The following UNC13C variants were observed in gnomAD, a reference collection of about 807,000 sequenced individuals.
UNC13C encodes protein unc-13 homolog C.
UNC13C carries 174 observed loss-of-function variants against 245.4 expected under a neutral mutation model. That is an observed-to-expected ratio of 0.71 (90% confidence interval 0.63 to 0.80). The LOEUF (loss-of-function observed/expected upper bound fraction) is 0.80, where lower values mean the gene tolerates loss of function less well. UNC13C is among the 30% of genes least tolerant of loss of function. UNC13C has a pLI of 0.00. For missense variants in UNC13C, 2,829 were observed against 2,602.9 expected, an observed-to-expected ratio of 1.09 and a Z score of -1.89; for synonymous variants, 992 against 895.1, an observed-to-expected ratio of 1.11 and a Z score of -1.93.
chr15:53,850,084 T>C, the UNC13C span, among the ~76,000 whole-genome samples: 1 of 152,110 alleles, frequency 6.6e-6, no homozygotes, highest in East Asian at 1.9e-4. Context: ...TTAGTTCCTG[T>C]TTGCCTTCAT....
chr15:54,013,788 T>C lies in UNC13C; in HGVS notation c.885T>C (p.Phe295=). The change falls in exon 2 of 33, where the codon TTT becomes TTC. Residue 295 remains phenylalanine, a synonymous_variant. Transcript: ENST00000260323. ...QSEIEQLRTG[F]VQSRRETRDI... ...AAATTGAGCAGTTGCGCACAGGGTT[T>C]GTCCAGTCTCGGAGGGAAACTAGAG... 3.7e-6 allele frequency: 6 copies of C among 1,611,514 alleles called. No homozygotes were observed. The highest frequency in any genetic ancestry group is 4.2e-6 in the Non-Finnish European group (5 of 1,178,874).
rs752514014 is a variant in UNC13C, at chr15:54,373,812, G to T, written c.4714-19236G>T. Among the ~76,000 whole-genome samples the T allele has an allele frequency of 1.7e-4, 26 of 152,154 alleles. 1 individual carries two copies. Among genetic ancestry groups the T allele is most frequent in the Admixed American group, 1.1e-3 (17 of 15,272 alleles). On this transcript the variant is annotated intron_variant, in intron 17 of 32. Transcript: ENST00000260323. ...GCTCTTTTAGTCCTGCTATTCAGTGGGTCCCAAGTTCTTGTCTCACATCCA... is the reference window on the plus strand; with the variant it reads ...GCTCTTTTAGTCCTGCTATTCAGTGTGTCCCAAGTTCTTGTCTCACATCCA...
intron 19 of UNC13C, among the ~76,000 whole-genome samples, chr15:54,492,487 A>G (rs545174079): frequency 4.1e-4 from 63 of 152,272 alleles, no homozygotes; most frequent in African/African-American, 1.5e-3. Flanking sequence ...CTTCATGTAT[A>G]TTAACATAGA....
At chr15:54,624,545 A>G (rs1450391120) in intron 32 of UNC13C, among the ~76,000 whole-genome samples, 2 of 152,168 alleles carry the variant, frequency 1.3e-5, no homozygotes, top group Non-Finnish European at 2.9e-5. Flanking sequence ...TCTAAGTTCA[A>G]TAGGTGGTCC....
chr15:54,167,814 A>G (rs929435096), intron 4 of UNC13C, among the ~76,000 whole-genome samples: 6 of 152,126 alleles, frequency 3.9e-5, no homozygotes, highest in Non-Finnish European at 5.9e-5. Context: ...ATTATGGACC[A>G]AAGGTTTCAA....
chr15:54,303,269 C>T (rs2140950727), intron 13 of UNC13C, among the ~76,000 whole-genome samples: 1 of 152,164 alleles, frequency 6.6e-6, no homozygotes, highest in East Asian at 1.9e-4. Flanking sequence ...TTCAGAACAC[C>T]TAGTATAAAG....
chr15:54,122,725 A>C (rs2030757992), intron 2 of UNC13C, among the ~76,000 whole-genome samples: 1 of 152,096 alleles, frequency 6.6e-6, no homozygotes. Context: ...GGAATAATGC[A>C]GTGTGTACAA....
the UNC13C span, among the ~76,000 whole-genome samples, chr15:53,940,656 A>G: frequency 4.6e-5 from 7 of 152,272 alleles, no homozygotes; most frequent in African/African-American, 1.2e-4. Flanking sequence ...AATCAGTAGC[A>G]TTCCTATACA....
chr15:54,009,739 A>T (rs1285512596), intron 1 of UNC13C, among the ~76,000 whole-genome samples: 3 of 151,848 alleles, frequency 2.0e-5, no homozygotes, highest in African/African-American at 4.8e-5. Flanking sequence ...TACAGATAGG[A>T]TTTCACCAAC....
chr15:54,120,554 C>G (rs1221669022), intron 2 of UNC13C, among the ~76,000 whole-genome samples: 1 of 152,084 alleles, frequency 6.6e-6, no homozygotes, highest in Non-Finnish European at 1.5e-5. Flanking sequence ...GCCCATGGAT[C>G]AGGGAGTAAT....
intron 16 of UNC13C, 83 bp from the exon 17 acceptor site, chr15:54,338,278 A>G: frequency 2.2e-6 from 3 of 1,394,782 alleles, no homozygotes; most frequent in Non-Finnish European, 1.9e-6. Flanking sequence ...GAAAGTATTT[A>G]TTGAATATAT....
intron 4 of UNC13C, 140 bp from the exon 5 acceptor site, chr15:54,234,890 C>CT (rs1273016163): frequency 2.9e-6 from 2 of 692,670 alleles, no homozygotes; most frequent in African/African-American, 3.6e-5. Flanking sequence ...AAGCTTGTAT[C>CT]TTTGCAGCTT....
chr15:54,062,632 G>T (rs1897894858), intron 2 of UNC13C, among the ~76,000 whole-genome samples: 1 of 152,130 alleles, frequency 6.6e-6, no homozygotes, highest in African/African-American at 2.4e-5. Flanking sequence ...TAAAGCAGTG[G>T]TCCTTAGTTT....
intron 2 of UNC13C, among the ~76,000 whole-genome samples, chr15:54,062,635 CTTAG>C (rs1008033452): frequency 1.4e-4 from 21 of 152,230 alleles, no homozygotes; most frequent in African/African-American, 5.1e-4. Context: ...AGCAGTGGTC[CTTAG>C]TTTGTTGTCC....
At chr15:54,538,737 A>G (rs1249365805) in intron 26 of UNC13C, among the ~76,000 whole-genome samples, 1 of 151,190 alleles carries the variant, frequency 6.6e-6, no homozygotes, top group African/African-American at 2.5e-5. Context: ...TTGTGAACTA[A>G]CACGGGAACA....
chr15:54,086,733 C>CTTTATTTTTTTTTTTTTTTT (rs1899259826), intron 2 of UNC13C, among the ~76,000 whole-genome samples: 1 of 56,672 alleles, frequency 1.8e-5, no homozygotes, highest in African/African-American at 4.5e-5. Context: ...TGCTTATTTT[C>CTTTATTTTTTTTTTTTTTTT]TTTCTTTTTT....
At chr15:53,965,782 G>C in the UNC13C span, among the ~76,000 whole-genome samples, 1 of 151,604 alleles carries the variant, frequency 6.6e-6, no homozygotes, top group Non-Finnish European at 1.5e-5. Context: ...TGTTCTCATT[G>C]TTCAATTCCC....
At chr15:54,174,269 C>T (rs182155267) in intron 4 of UNC13C, among the ~76,000 whole-genome samples, 163 of 152,174 alleles carry the variant, frequency 1.1e-3, no homozygotes, top group Admixed American at 2.7e-3. Flanking sequence ...ACATTGTTTT[C>T]TCCTTAAGTG....
intron 8 of UNC13C, among the ~76,000 whole-genome samples, chr15:54,258,295 A>G (rs2036333210): frequency 1.3e-5 from 2 of 152,090 alleles, no homozygotes; most frequent in Admixed American, 6.6e-5. Flanking sequence ...TCCGCGTGAG[A>G]GTTTTCCAGT....
Sources: gnomAD v4.1 joint callset for allele counts (sites outside exome capture counted in the v4.1 genomes callset) on GRCh38, gnomAD v4.1.1 for gene constraint, MANE v1.5 for transcripts, NCBI Gene and HGNC (gene_info 2026-07-23, HGNC 2026-07-21) for gene names.